GNA15: variants seen among roughly 807,000 people sequenced by gnomAD.
GNA15 encodes the protein G protein subunit alpha 15.
Under a neutral mutation model 40.1 loss-of-function variants are expected in GNA15, and 23 were observed. That is an observed-to-expected ratio of 0.57 (90% CI 0.41 to 0.81). The LOEUF (loss-of-function observed/expected upper bound fraction) is 0.81, where lower values mean the gene tolerates loss of function less well. Among genes scored for constraint, GNA15 ranks in the 40% least tolerant of loss-of-function variants. The pLI is 0.00. For synonymous variants in GNA15, 226 were observed against 210.4 expected (o/e 1.07, Z -0.64); for missense variants, 522 against 515.8 (o/e 1.01, Z -0.12).
intron 6 of GNA15, among the ~76,000 whole-genome samples, chr19:3,159,173 C>A (rs112705150): frequency 6.8e-6 from 1 of 147,158 alleles, no homozygotes; most frequent in Admixed American, 6.8e-5. Context: ...TACAGGTGCC[C>A]GCCAGAACGT....
chr19:3,161,878 C>G (rs1211689337), intron 6 of GNA15, among the ~76,000 whole-genome samples: 1 of 151,284 alleles, frequency 6.6e-6, no homozygotes, highest in African/African-American at 2.4e-5. Flanking sequence ...GTTAAAAATA[C>G]AAAAATTAGC....
intron 2 of GNA15, 24 bp downstream of exon 2, chr19:3,148,799 G>T (rs761975286): frequency 1.3e-6 from 2 of 1,566,616 alleles, no homozygotes; most frequent in East Asian, 2.3e-5. Flanking sequence ...GCAGGCAGGG[G>T]CCCAGGGCAG....
chr19:3,152,365 G>C, intron 4 of GNA15, among the ~76,000 whole-genome samples: 1 of 152,284 alleles, frequency 6.6e-6, no homozygotes, highest in Middle Eastern at 3.4e-3. Flanking sequence ...GGCAGGACTG[G>C]ATGAGTGTGG....
At chr19:3,158,894 A>G (rs1433079309) in intron 6 of GNA15, among the ~76,000 whole-genome samples, 1 of 152,176 alleles carries the variant, frequency 6.6e-6, no homozygotes, top group Non-Finnish European at 1.5e-5. Context: ...CAGCCTCCCA[A>G]AGTGCTGGGA....
intron 4 of GNA15, among the ~76,000 whole-genome samples, chr19:3,154,306 G>A (rs111220027): frequency 1.4e-5 from 2 of 145,598 alleles, no homozygotes; most frequent in African/African-American, 5.0e-5. Context: ...TGGATGGATG[G>A]ATGAATGAAT....
At chr19:3,145,359 A>ATATATATATATATATATATATATATATTT in intron 1 of GNA15, among the ~76,000 whole-genome samples, 9 of 46,962 alleles carry the variant, frequency 1.9e-4, no homozygotes, top group South Asian at 7.4e-4. Context: ...ATATATATAT[A>ATATATATATATATATATATATATATATTT]TTTTTTTTTT....
intron 1 of GNA15, among the ~76,000 whole-genome samples, chr19:3,141,055 C>A (rs117402303): frequency 0.046 from 7,031 of 151,678 alleles, 215 homozygotes; most frequent in Non-Finnish European, 0.064. Flanking sequence ...TTTTTTTTAC[C>A]TGGAGGTGGC....
At chr19:3,138,310 A>T (rs1239776265) in intron 1 of GNA15, among the ~76,000 whole-genome samples, 1 of 151,922 alleles carries the variant, frequency 6.6e-6, no homozygotes, top group Non-Finnish European at 1.5e-5. Context: ...GGGTCTTCTC[A>T]TTCCCGTAGC....
chr19:3,157,073 C>A (rs1273613472), intron 5 of GNA15, among the ~76,000 whole-genome samples: 4 of 152,110 alleles, frequency 2.6e-5, no homozygotes, highest in Non-Finnish European at 5.9e-5. Flanking sequence ...TCTCAGCTCA[C>A]TGCAACCTCC....
chr19:3,161,427 C>T (rs1425621598), intron 6 of GNA15, among the ~76,000 whole-genome samples: 2 of 152,212 alleles, frequency 1.3e-5, no homozygotes, highest in African/African-American at 4.8e-5. Context: ...AATCAGTAAA[C>T]ATAAACTTTG....
Position 3,155,713 on chromosome 19 carries a change from T to C in GNA15, c.615-110T>C, listed in dbSNP as rs985413126. Reference sequence around the variant, plus strand: ...CAAATCCACGAGAGGCTAGCACCTATTCTTGCTGTCGCTATTATGGATCTT... The same window carrying C: ...CAAATCCACGAGAGGCTAGCACCTACTCTTGCTGTCGCTATTATGGATCTT... On this transcript the variant is annotated intron_variant, in intron 4 of 6. Transcript: ENST00000262958. This position sits in a 1 kb window ranked among gnomAD's most constrained non-coding sequence, Gnocchi z 5.6. 5.5e-6 allele frequency: 7 copies of C among 1,264,482 alleles called. No individual in the cohort carries two copies. The Admixed American group carries it at 8.4e-5, about 15-fold the overall frequency. The allele number at this position is 1,264,482 out of a possible 1,614,324, so 78.3% of individuals were successfully genotyped here.
rs748644663 is a variant in GNA15, at chr19:3,150,297, G to T, written c.485+12G>T. 1 of 1,551,268 alleles carries T rather than the reference G, an allele frequency of 6.4e-7. No individual in the cohort carries two copies. The highest frequency in any genetic ancestry group is 8.7e-7 in the Non-Finnish European group (1 of 1,148,964). On this transcript the variant is annotated intron_variant, in intron 3 of 6. Transcript: ENST00000262958. ...GATTCAGCCGTGTAGTGAGTCTGGG[G>T]TCTGCGGGGGATGGGCGCGTGGGGA... is the stretch of plus-strand genomic sequence containing the variant.
chr19:3,151,870 G>C lies in GNA15; in HGVS notation c.614+35G>C. On this transcript the variant is annotated intron_variant, in intron 4 of 6. Transcript: ENST00000262958. The surrounding 1 kb of genome is among the most constrained non-coding windows in gnomAD (Gnocchi z 5.0). ...CCACCTAGGCCCAGCCTAGGGGGCA[G>C]GGAAGGCTTCCTGTAGGAAGGGCAA... is the stretch of plus-strand genomic sequence containing the variant. 6.6e-7 allele frequency: 1 copy of C among 1,526,710 alleles called. No individual in the cohort carries two copies. The highest frequency in any genetic ancestry group is 1.2e-5 in the South Asian group (1 of 83,754). The allele number at this position is 1,526,710 out of a possible 1,614,324, so 94.6% of individuals were successfully genotyped here. A position where few individuals can be genotyped will look rare whatever the true frequency, so the allele number is the denominator to read the frequency against.
intron 3 of GNA15, 83 bp downstream of exon 3, chr19:3,150,368 G>A: frequency 8.2e-7 from 1 of 1,224,058 alleles, no homozygotes; most frequent in Non-Finnish European, 1.1e-6. Context: ...TGCAGCAGGA[G>A]ATATTGTGGG....
At chr19:3,150,328 T>C (rs1222606743) in intron 3 of GNA15, 43 bp downstream of exon 3, 1 of 1,485,132 alleles carries the variant, frequency 6.7e-7, no homozygotes, top group Admixed American at 2.0e-5. Context: ...GGGGAGGGGC[T>C]GAGGGCAGGG....
intron 1 of GNA15, among the ~76,000 whole-genome samples, chr19:3,141,307 A>C (rs976090502): frequency 3.3e-5 from 5 of 152,216 alleles, no homozygotes; most frequent in African/African-American, 1.2e-4. Context: ...AAACAAAAAA[A>C]GAAAAGAAAA....
At chr19:3,141,219 G>T (rs536543421) in intron 1 of GNA15, among the ~76,000 whole-genome samples, 4 of 151,938 alleles carry the variant, frequency 2.6e-5, no homozygotes, top group Non-Finnish European at 2.9e-5. Flanking sequence ...TACTCGGGAG[G>T]CTAAGGCAGG....
At chr19:3,146,776 G>A (rs1047126300) in intron 1 of GNA15, among the ~76,000 whole-genome samples, 6 of 151,620 alleles carry the variant, frequency 4.0e-5, no homozygotes, top group African/African-American at 4.9e-5. Context: ...ACCAGAGGGC[G>A]CCTGTGAGCA....
At position 3,150,166 on chromosome 19, in the gene GNA15, T is replaced by C; in HGVS notation, c.366T>C (p.Tyr122=). 4 of 1,613,498 alleles carry C rather than the reference T, an allele frequency of 2.5e-6. No individual in the cohort carries two copies. The highest frequency in any genetic ancestry group is 2.5e-6 in the Non-Finnish European group (3 of 1,179,930). The change falls in exon 3 of 7, where the codon TAT becomes TAC. Residue 122 remains tyrosine, a synonymous_variant. Coordinates refer to ENST00000262958, the MANE Select transcript of GNA15 (RefSeq NM_002068.4). ...HASLVMSQDP[Y]KVTTFEKRYA... is the part of the protein sequence containing the mutation. ...GCCTGGTCATGAGCCAGGACCCCTA[T>C]AAAGTGACCACGTTTGAGAAGCGCT...
Sources: allele counts gnomAD v4.1 joint callset (sites outside exome capture counted in the v4.1 genomes callset), GRCh38; gene constraint gnomAD v4.1.1; non-coding constraint Gnocchi (gnomAD v3.1); transcripts MANE v1.5; gene names NCBI Gene and HGNC (gene_info 2026-07-23, HGNC 2026-07-21).